The following PARD3 variants were observed in gnomAD, a reference collection of about 807,000 sequenced individuals.
The protein encoded by PARD3 is partitioning defective 3 homolog.
A neutral mutation model predicts 155.4 loss-of-function variants in PARD3; 75 were observed. The observed-to-expected ratio is 0.48, with a 90% CI of 0.40 to 0.58. The LOEUF is 0.58. Among genes scored for constraint, PARD3 ranks in the 20% least tolerant of loss-of-function variants. The probability of loss-of-function intolerance (pLI) is 0.00; values close to 1 mark genes in which losing one functional copy is unlikely to be tolerated. For synonymous variants in PARD3, 576 were observed against 610.5 expected, an observed-to-expected ratio of 0.94 and a Z score of 0.83; for missense variants, 1,642 against 1,721.7, an observed-to-expected ratio of 0.95 and a Z score of 0.82.
chr10:34,210,411 G>A (rs1243812501), intron 22 of PARD3, among the ~76,000 whole-genome samples: 1 of 152,186 alleles, frequency 6.6e-6, no homozygotes, highest in African/African-American at 2.4e-5. Context: ...GATGTTGGTT[G>A]AGACATTTGG....
intron 22 of PARD3, among the ~76,000 whole-genome samples, chr10:34,149,089 G>GATTA (rs1432468524): frequency 1.2e-4 from 19 of 152,198 alleles, no homozygotes; most frequent in African/African-American, 3.9e-4. Flanking sequence ...CTGAAAAGCT[G>GATTA]AATCTTATAA....
At chr10:34,399,474 A>C (rs548572312) in intron 6 of PARD3, 61 bp from the exon 7 acceptor site, 47 of 1,024,070 alleles carry the variant, frequency 4.6e-5, no homozygotes, top group South Asian at 3.8e-4. Context: ...CAAAACCAAA[A>C]CAAAACAAAA....
chr10:34,319,177 C>T lies in PARD3; in HGVS notation c.2834-1839G>A, dbSNP rs985440621. Among the ~76,000 whole-genome samples the T allele has an allele frequency of 3.3e-5, 5 of 151,218 alleles. No homozygotes were observed. The South Asian group carries it at 6.3e-4, about 19-fold the overall frequency. On this transcript the variant is annotated intron_variant, in intron 19 of 24. Coordinates refer to ENST00000374788, the MANE Select transcript of PARD3 (RefSeq NM_001184785.2). ...GATCTTGGCTCACTGCAATCTCCAC[C>T]TCCCGGGTTCATGTGATTCTCCTGC...
At chr10:34,136,827 T>G (rs1464852358) in intron 22 of PARD3, among the ~76,000 whole-genome samples, 1 of 152,226 alleles carries the variant, frequency 6.6e-6, no homozygotes, top group Non-Finnish European at 1.5e-5. Context: ...TTCCTTTCAG[T>G]TCACCTGTAA....
At chr10:34,483,392 T>A (rs2079217985) in intron 3 of PARD3, among the ~76,000 whole-genome samples, 1 of 147,274 alleles carries the variant, frequency 6.8e-6, no homozygotes, top group Admixed American at 6.9e-5. Flanking sequence ...TGAGGCAGGA[T>A]AATTGCTTGA....
At chr10:34,682,540 C>T (rs924832289) in intron 2 of PARD3, among the ~76,000 whole-genome samples, 1 of 152,062 alleles carries the variant, frequency 6.6e-6, no homozygotes, top group African/African-American at 2.4e-5. Flanking sequence ...CTAGGATAGC[C>T]TGGTTTGTTT....
At chr10:34,740,000 G>A (rs917368117) in intron 1 of PARD3, among the ~76,000 whole-genome samples, 6 of 152,314 alleles carry the variant, frequency 3.9e-5, no homozygotes, top group South Asian at 4.1e-4. Flanking sequence ...TGACCCGCCA[G>A]CGACTCCGTG....
At chr10:34,780,782 G>A (rs1187618129) in intron 1 of PARD3, among the ~76,000 whole-genome samples, 3 of 152,126 alleles carry the variant, frequency 2.0e-5, no homozygotes, top group Admixed American at 2.0e-4. Flanking sequence ...TGTTTCTCTG[G>A]ATAAAACAAG....
intron 2 of PARD3, among the ~76,000 whole-genome samples, chr10:34,636,889 A>G (rs1411645401): frequency 6.6e-6 from 1 of 152,246 alleles, no homozygotes; most frequent in Non-Finnish European, 1.5e-5. Context: ...GGAATTGTGC[A>G]GTTCCTCCTA....
At chr10:34,258,452 C>T (rs1018243376) in intron 22 of PARD3, among the ~76,000 whole-genome samples, 8 of 152,006 alleles carry the variant, frequency 5.3e-5, no homozygotes, top group Non-Finnish European at 1.0e-4. Flanking sequence ...GTTGTGATTG[C>T]GTTTGCTGAG....
In PARD3 at chr10:34,343,562, T is replaced by C. The variant is rs371650156; in HGVS notation, c.2219-1746A>G. 1.6e-5 allele frequency: 16 copies of C among 985,272 alleles called. No homozygotes were observed. The African/African-American group carries it at 2.6e-4, about 16-fold the overall frequency. The allele number at this position is 985,272 out of a possible 1,614,324, so 61.0% of individuals were successfully genotyped here. A position where few individuals can be genotyped will look rare whatever the true frequency, so the allele number is the denominator to read the frequency against. ...TATTTCCACAAGATTTGAAAACCCATATTTTCCACTTCTTAACATGCTTGC... is the reference window on the plus strand; with the variant it reads ...TATTTCCACAAGATTTGAAAACCCACATTTTCCACTTCTTAACATGCTTGC... On this transcript the variant is annotated intron_variant, in intron 15 of 24. Coordinates refer to ENST00000374788, the MANE Select transcript of PARD3 (RefSeq NM_001184785.2).
At chr10:34,634,509 C>T (rs1252558345) in intron 2 of PARD3, among the ~76,000 whole-genome samples, 1 of 152,176 alleles carries the variant, frequency 6.6e-6, no homozygotes, top group Non-Finnish European at 1.5e-5. Context: ...GCATGTACTA[C>T]TGCTGTTATA....
At chr10:34,427,374 A>G (rs577152232) in intron 5 of PARD3, among the ~76,000 whole-genome samples, 2 of 152,308 alleles carry the variant, frequency 1.3e-5, no homozygotes, top group African/African-American at 4.8e-5. Context: ...CCTTATGCAG[A>G]CGTAGGTAGG....
intron 2 of PARD3, among the ~76,000 whole-genome samples, chr10:34,682,326 G>A (rs1056202147): frequency 6.5e-4 from 96 of 146,834 alleles, no homozygotes; most frequent in African/African-American, 2.6e-3. Context: ...GGCTGGGGCA[G>A]AAGAACTGCT....
At position 34,110,466 on chromosome 10, in the gene PARD3, G is replaced by A. The variant is rs1025882878; in HGVS notation, c.*703C>T. ...ACAGAGCTGTGGTGACTCAACCCAC[G>A]TGTCAGGAACAGGACCGAACAAGCG... is the stretch of plus-strand genomic sequence containing the variant. On this transcript the variant is annotated 3_prime_UTR_variant, in exon 25 of 25. Transcript: ENST00000374788. 8 of 152,144 alleles carry A rather than the reference G, an allele frequency of 5.3e-5. No individual in the cohort carries two copies. The highest frequency in any genetic ancestry group is 1.9e-4 in the African/African-American group (8 of 41,410). The allele number at this position is 152,144 out of a possible 1,614,324, so 9.4% of individuals were successfully genotyped here.
At chr10:34,574,699 C>G (rs12777458) in intron 2 of PARD3, among the ~76,000 whole-genome samples, 1 of 152,144 alleles carries the variant, frequency 6.6e-6, no homozygotes, top group Non-Finnish European at 1.5e-5. Flanking sequence ...CGGCAGTGTT[C>G]CCTTTAGACA....
intron 2 of PARD3, among the ~76,000 whole-genome samples, chr10:34,664,974 T>C (rs1221319748): frequency 1.3e-5 from 2 of 150,660 alleles, no homozygotes; most frequent in Non-Finnish European, 3.0e-5. Flanking sequence ...GGTGTGCATG[T>C]GTGTGGTGTG....
chr10:34,517,702 A>C (rs76565376), intron 2 of PARD3, among the ~76,000 whole-genome samples: 255 of 152,086 alleles, frequency 1.7e-3, no homozygotes, highest in African/African-American at 5.2e-3. Context: ...CACGCCCCCC[A>C]CACACACACA....
chr10:34,484,261 C>CCTACA (rs1281868743), intron 3 of PARD3, among the ~76,000 whole-genome samples: 1 of 152,110 alleles, frequency 6.6e-6, no homozygotes, highest in African/African-American at 2.4e-5. Flanking sequence ...CAAAGGTGCC[C>CCTACA]CGAGTATTAA....
Sources: gnomAD v4.1 joint callset for allele counts (sites outside exome capture counted in the v4.1 genomes callset) on GRCh38, gnomAD v4.1.1 for gene constraint, MANE v1.5 for transcripts, NCBI Gene and HGNC (gene_info 2026-07-23, HGNC 2026-07-21) for gene names.